MZT2A: variants seen among roughly 807,000 people sequenced by gnomAD.
The protein encoded by MZT2A is mitotic spindle organizing protein 2A.
In MZT2A, 8 loss-of-function variants were observed where a neutral mutation model predicts 12.4. That is an observed-to-expected ratio of 0.64 (90% CI 0.38 to 1.16). The LOEUF (loss-of-function observed/expected upper bound fraction) is 1.16. Ranked by LOEUF, MZT2A falls within the 50% of genes most tolerant of loss-of-function variation. The pLI, the probability that MZT2A is intolerant of heterozygous loss-of-function variation, is 0.01. For synonymous variants in MZT2A, 88 were observed against 107.5 expected (o/e 0.82, Z 1.12); for missense variants, 181 against 223.6 (o/e 0.81, Z 1.22).
intron 2 of MZT2A, chr2:131,490,760 G>C: frequency 2.6e-6 from 4 of 1,549,946 alleles, no homozygotes; most frequent in Non-Finnish European, 3.5e-6. Flanking sequence ...GGAACCCGGG[G>C]GGCCTGGAGA....
chr2:131,492,927 C>T (rs1679408757), upstream of MZT2A: 5 of 1,522,814 alleles, frequency 3.3e-6, no homozygotes, highest in Non-Finnish European at 3.5e-6. Flanking sequence ...CCTCCCCCCG[C>T]ACTCCTGCCT....
chr2:131,487,524 A>G (rs1198321247), intron 2 of MZT2A, among the ~76,000 whole-genome samples: 2 of 152,248 alleles, frequency 1.3e-5, no homozygotes, highest in Non-Finnish European at 2.9e-5. Context: ...CAATTAGCTC[A>G]AATACTTTAA....
chr2:131,483,699 A>G (rs1429651542), downstream of MZT2A, among the ~76,000 whole-genome samples: 1 of 151,714 alleles, frequency 6.6e-6, no homozygotes, highest in Non-Finnish European at 1.5e-5. Context: ...TGGGTAACAG[A>G]GCAAGACTCC....
intron 2 of MZT2A, chr2:131,490,647 G>C (rs953688958): frequency 7.1e-6 from 11 of 1,548,974 alleles, no homozygotes; most frequent in Non-Finnish European, 9.6e-6. Flanking sequence ...GGCCTCTTGG[G>C]GCCATGCAGT....
chr2:131,479,546 G>A (rs1462886819), downstream of MZT2A: 1 of 1,574,464 alleles, frequency 6.4e-7, no homozygotes, highest in Non-Finnish European at 8.6e-7. Flanking sequence ...TCAACACTTA[G>A]ACCAGCATCT....
downstream of MZT2A, chr2:131,482,695 C>T: frequency 1.2e-6 from 2 of 1,614,186 alleles, no homozygotes; most frequent in Non-Finnish European, 1.7e-6. Flanking sequence ...TCATGTATGC[C>T]AAGCGGGCCT....
chr2:131,484,105 T>G lies in MZT2A; in HGVS notation c.433A>C (p.Lys145Gln), dbSNP rs1678956908. Residue 145 changes from lysine to glutamine, a missense_variant, in exon 3 of 3, where the codon AAG becomes CAG. Around this residue, in one of 3 missense-constraint regions of MZT2A, gnomAD observed 72 missense variants for 76.9 expected, o/e 0.94. Transcript: ENST00000309451. The part of the protein sequence containing the change: ...PRQPSATRLP[K>Q]GGGPGKSPTQ... ...GGGCTCTTCCCAGGCCCGCCCCCCT[T>G]GGGCAGCCTGGTAGCGCTGGGCTGG... is the stretch of plus-strand genomic sequence containing the variant. 32 of 1,613,870 alleles carry G rather than the reference T, an allele frequency of 2.0e-5. No individual in the cohort carries two copies. The highest frequency in any genetic ancestry group is 2.7e-5 in the Non-Finnish European group (32 of 1,179,854).
chr2:131,489,826 C>A, intron 2 of MZT2A: 5 of 951,244 alleles, frequency 5.3e-6, no homozygotes, highest in Non-Finnish European at 6.3e-6. Flanking sequence ...TGGTGGTTTT[C>A]CTCACTGCCT....
chr2:131,490,769 G>A (rs1388297905), intron 2 of MZT2A: 7 of 1,549,848 alleles, frequency 4.5e-6, no homozygotes, highest in African/African-American at 1.4e-5. Context: ...GGGGCCTGGA[G>A]AGAGAGGTGA....
chr2:131,479,200 A>G (rs1678767181), downstream of MZT2A: 3 of 1,500,270 alleles, frequency 2.0e-6, no homozygotes, highest in South Asian at 1.4e-5. Flanking sequence ...CATGTAGGTC[A>G]TGTACTTTGA....
At chr2:131,492,522 G>T, upstream of MZT2A, 1 of 1,118,104 alleles carries the variant, frequency 8.9e-7, no homozygotes. Flanking sequence ...CCGCCTCCTC[G>T]GCGTCATTGG....
rs758677887 is a variant in MZT2A, at chr2:131,484,076, C to T, written c.462G>A (p.Thr154=). Residue 154 remains threonine (T), a synonymous_variant, in exon 3 of 3, where the codon ACG becomes ACA. Coordinates refer to ENST00000309451, the MANE Select transcript of MZT2A (RefSeq NM_001085365.2). ...PKGGGPGKSP[T]QGST ...CTGCCCCATCCTAGGTGCTGCCCTG[C>T]GTAGGGCTCTTCCCAGGCCCGCCCC... 88 of 1,612,478 alleles carry T rather than the reference C, an allele frequency of 5.5e-5. No individual in the cohort carries two copies. The East Asian group carries it at 1.4e-3, about 27-fold the overall frequency.
intron 2 of MZT2A, among the ~76,000 whole-genome samples, chr2:131,485,953 G>A (rs1011861482): frequency 1.3e-4 from 19 of 151,722 alleles, no homozygotes; most frequent in African/African-American, 3.6e-4. Flanking sequence ...ACCCTGCAGG[G>A]ATAGGACGGC....
Position 131,491,708 on chromosome 2 carries a change from A to G in MZT2A, c.319+168T>C, listed in dbSNP as rs796805254. ...CCTGGACGTGCCTCCTAAGGCTGGC[A>G]GCGAAGCCCAGGAGCAGAGCCCACG... On this transcript the variant is annotated intron_variant, in intron 2 of 2. Transcript: ENST00000309451. 2.2e-4 allele frequency: 190 copies of G among 853,530 alleles called. No individual in the cohort carries two copies. In the African/African-American group the frequency reaches 2.9e-3, roughly 13 times the overall value. The allele number at this position is 853,530 out of a possible 1,614,324, so 52.9% of individuals were successfully genotyped here.
rs1233011969 is a variant in MZT2A, at chr2:131,492,348, G to A, written c.29C>T (p.Pro10Leu). The change falls in exon 1 of 3, where the codon CCG becomes CTG. Residue 10 changes from proline to leucine, a missense_variant. Pro to Leu is a moderately conservative substitution (Grantham distance 98, BLOSUM62 -3). This residue lies in a region of MZT2A where 106 missense variants were observed against 127.2 expected (regional missense o/e 0.83). Coordinates refer to ENST00000309451, the MANE Select transcript of MZT2A (RefSeq NM_001085365.2). ...CAGCCCCGGGGGCGCCGCCGACCCCGGCCCAGGCCCTACGCCCTGCGCCGC... is the reference window on the plus strand; with the variant it reads ...CAGCCCCGGGGGCGCCGCCGACCCCAGCCCAGGCCCTACGCCCTGCGCCGC... MAAQGVGPG[P>L]GSAAPPGLEA... 6 of 1,485,158 alleles carry A rather than the reference G, an allele frequency of 4.0e-6. No homozygotes were observed. The East Asian group carries it at 1.1e-4, about 27-fold the overall frequency. 92.0% of individuals were successfully genotyped at this position (1,485,158 alleles called of 1,614,324 possible). A position where few individuals can be genotyped will look rare whatever the true frequency, so the allele number is the denominator to read the frequency against.
chr2:131,476,937 A>AC (rs1678691477), intron 2 of MZT2A, among the ~76,000 whole-genome samples: 1 of 126,330 alleles, frequency 7.9e-6, no homozygotes, highest in Non-Finnish European at 1.6e-5. Context: ...CCTCAAAGAC[A>AC]CAAACAAAAA....
upstream of MZT2A, chr2:131,492,796 G>GGGGC: frequency 3.5e-5 from 30 of 853,080 alleles, no homozygotes; most frequent in Non-Finnish European, 5.1e-5. Context: ...GGGGTGGGGG[G>GGGGC]CACTAATCAA....
chr2:131,491,729 C>T, intron 2 of MZT2A, 147 bp downstream of exon 2: 1 of 1,041,736 alleles, frequency 9.6e-7, no homozygotes, highest in East Asian at 2.6e-5. Context: ...GGAGCAGAGC[C>T]CACGGATGGG....
chr2:131,478,561 C>T (rs949281670), intron 2 of MZT2A, among the ~76,000 whole-genome samples: 11 of 152,216 alleles, frequency 7.2e-5, no homozygotes, highest in Non-Finnish European at 1.5e-4. Context: ...CTGTGAGACT[C>T]GGCTCCTAAT....
Sources: gnomAD v4.1 joint callset for allele counts (sites outside exome capture counted in the v4.1 genomes callset) on GRCh38, gnomAD v4.1.1 for gene constraint, gnomAD v4.1.1 regional missense constraint, MANE v1.5 for transcripts, NCBI Gene and HGNC (gene_info 2026-07-23, HGNC 2026-07-21) for gene names.